The following SHROOM4 variants were observed in gnomAD, a reference collection of about 807,000 sequenced individuals.
SHROOM4 encodes the protein shroom family member 4.
Under a neutral mutation model 80.3 loss-of-function variants are expected in SHROOM4, and 17 were observed. The ratio of observed to expected loss-of-function variants is 0.21; its 90% confidence interval spans 0.14 to 0.32. SHROOM4 has a LOEUF of 0.32. Ranked by LOEUF, SHROOM4 falls within the 10% of genes least tolerant of loss-of-function variation. SHROOM4 has a pLI of 1.00. For synonymous variants in SHROOM4, 400 were observed against 437.5 expected (o/e 0.91, Z 1.07); for missense variants, 993 against 1,140.3 (o/e 0.87, Z 1.86).
intron 4 of SHROOM4, among the ~76,000 whole-genome samples, chrX:50,632,070 TG>T (rs1931095083): frequency 1.8e-5 from 2 of 111,788 alleles, no homozygotes; most frequent in Non-Finnish European, 3.8e-5. Flanking sequence ...CAGGTACATA[TG>T]TTTAACTCAA....
chrX:50,809,263 T>C (rs1468570779), intron 1 of SHROOM4, among the ~76,000 whole-genome samples: 3 of 111,941 alleles, frequency 2.7e-5, no homozygotes, highest in African/African-American at 9.8e-5. Flanking sequence ...GTTCACATAA[T>C]ACCACCTCTG....
chrX:50,595,926 C>G lies in SHROOM4; in HGVS notation c.*769G>C, dbSNP rs1557246440. ...AGTTTTAGTAGAGCTATTAATGGCCCATATGGTGAAGCCCTGGGGTAGGCA... is the reference window on the plus strand; with the variant it reads ...AGTTTTAGTAGAGCTATTAATGGCCGATATGGTGAAGCCCTGGGGTAGGCA... On this transcript the variant is annotated 3_prime_UTR_variant, in exon 9 of 9. Transcript: ENST00000376020. 3.0e-6 allele frequency: 1 copy of G among 329,412 alleles called. No individual in the cohort carries two copies. Among genetic ancestry groups the G allele is most frequent in the South Asian group, 2.6e-5 (1 of 38,490 alleles). 27.1% of individuals were successfully genotyped at this position (329,412 alleles called of 1,213,427 possible).
At chrX:50,779,000 C>G (rs782194126) in intron 1 of SHROOM4, among the ~76,000 whole-genome samples, 9 of 112,058 alleles carry the variant, frequency 8.0e-5, no homozygotes, top group Non-Finnish European at 1.3e-4. Context: ...ACTCTTAGAA[C>G]AGCATCTGGC....
intron 1 of SHROOM4, among the ~76,000 whole-genome samples, chrX:50,772,264 T>C (rs1216664969): frequency 1.8e-5 from 2 of 111,806 alleles, no homozygotes; most frequent in African/African-American, 3.3e-5. Context: ...ACAACAATAA[T>C]AGTAGCTAAC....
At chrX:50,665,666 C>T (rs1298648633) in intron 2 of SHROOM4, among the ~76,000 whole-genome samples, 2 of 109,966 alleles carry the variant, frequency 1.8e-5, no homozygotes, top group African/African-American at 3.3e-5. Flanking sequence ...TTCATTTCTT[C>T]GTACCTCAGT....
At chrX:50,625,847 ACCTAGGCTGGTCAAGGCCTG>A (rs1930776929) in intron 5 of SHROOM4, among the ~76,000 whole-genome samples, 1 of 111,736 alleles carries the variant, frequency 8.9e-6, no homozygotes, top group African/African-American at 3.3e-5. Flanking sequence ...AGGCTGGTCT[ACCTAGGCTGGTCAAGGCCTG>A]CCTAGGCTGG....
Position 50,590,397 on chromosome X carries a change from C to A in SHROOM4, c.*6298G>T, listed in dbSNP as rs1051646245. On this transcript the variant is annotated 3_prime_UTR_variant, in exon 9 of 9. Transcript: ENST00000376020. ...GACTAGCTGGGACTACAGGCACCTG[C>A]CACCATGCCCTGCTAATTTTTTTGT... 9.0e-6 allele frequency among the ~76,000 whole-genome samples: 1 copy of A among 111,230 alleles called. No individual in the cohort carries two copies. Among genetic ancestry groups the A allele is most frequent in the African/African-American group, 3.3e-5 (1 of 30,516 alleles).
intron 1 of SHROOM4, among the ~76,000 whole-genome samples, chrX:50,772,859 T>C (rs1935427046): frequency 1.8e-5 from 2 of 112,076 alleles, no homozygotes. Context: ...GCAGACTCCC[T>C]GCCTTCAGAT....
intron 2 of SHROOM4, among the ~76,000 whole-genome samples, chrX:50,680,262 A>C (rs1231912355): frequency 8.9e-6 from 1 of 112,026 alleles, no homozygotes; most frequent in Non-Finnish European, 1.9e-5. Context: ...AAAAAAATTA[A>C]AGGTAACTTT....
At chrX:50,751,361 C>G (rs139613100) in intron 1 of SHROOM4, among the ~76,000 whole-genome samples, 6,521 of 111,918 alleles carry the variant, frequency 0.058, 442 homozygotes, top group African/African-American at 0.2. Context: ...GGGGGAACAA[C>G]AGAGAACTAG....
At chrX:50,798,266 A>G (rs1025597554) in intron 1 of SHROOM4, among the ~76,000 whole-genome samples, 7 of 111,695 alleles carry the variant, frequency 6.3e-5, no homozygotes, top group Non-Finnish European at 1.1e-4. Context: ...TTACTGGTCC[A>G]ATGAATTCTG....
rs138382809 is a variant in SHROOM4 at position 50,736,102 on chromosome X, A to G, written c.118-40165T>C. Among the ~76,000 whole-genome samples, 538 of 110,721 alleles carry G rather than the reference A, an allele frequency of 4.9e-3. 4 individuals are homozygous for G. Among genetic ancestry groups the G allele is most frequent in the African/African-American group, 0.017 (514 of 30,473 alleles). The stretch of plus-strand genomic sequence containing the variant: ...CACAATGAGATACCACTTCATGGCT[A>G]GAATCAAAGAATCAGGTAACAACAA... On this transcript the variant is annotated intron_variant, in intron 1 of 8. Transcript: ENST00000376020.
chrX:50,667,864 G>A (rs782533957), intron 2 of SHROOM4, among the ~76,000 whole-genome samples: 74 of 111,254 alleles, frequency 6.7e-4, no homozygotes, highest in African/African-American at 2.4e-3. Flanking sequence ...TTGTGGGCAC[G>A]GACCAAATAT....
chrX:50,715,624 T>C (rs984922609), intron 1 of SHROOM4, among the ~76,000 whole-genome samples: 4 of 110,813 alleles, frequency 3.6e-5, no homozygotes, highest in Admixed American at 9.6e-5. Flanking sequence ...GAAATACAAA[T>C]CAAAATCACA....
At chrX:50,711,578 C>T (rs1441865827) in intron 1 of SHROOM4, among the ~76,000 whole-genome samples, 9 of 111,871 alleles carry the variant, frequency 8.0e-5, no homozygotes, top group African/African-American at 2.6e-4. Flanking sequence ...AAATAATACA[C>T]GTGCTGAAAT....
intron 2 of SHROOM4, among the ~76,000 whole-genome samples, chrX:50,640,354 T>C (rs1199832379): frequency 1.8e-5 from 2 of 110,028 alleles, no homozygotes; most frequent in African/African-American, 6.6e-5. Context: ...TACTGAGTCT[T>C]TTTTTTATGA....
intron 1 of SHROOM4, among the ~76,000 whole-genome samples, chrX:50,777,346 T>C (rs1431752880): frequency 2.7e-5 from 3 of 112,233 alleles, no homozygotes; most frequent in Non-Finnish European, 5.6e-5. Context: ...TGTAAATAGA[T>C]AAGAAGACTT....
rs782165955 is a variant in SHROOM4 at position 50,607,761 on chromosome X, C to G, written c.3381G>C (p.Gln1127His). ...CCTCCTCCTCCTCCTGTTGCTTCTGCTGCTGCTGTTGCTGCTTCTGCTGCT... is the reference window on the plus strand; with the variant it reads ...CCTCCTCCTCCTCCTGTTGCTTCTGGTGCTGCTGTTGCTGCTTCTGCTGCT... ...AAQQQKQQQQ[Q>H]QKQQEEEEEE... is the part of the protein sequence containing the mutation. Residue 1127 changes from glutamine to histidine, a missense_variant, in exon 6 of 9, where the codon CAG becomes CAC. Transcript: ENST00000376020. 1.2e-5 allele frequency: 14 copies of G among 1,204,480 alleles called. No individual in the cohort carries two copies. Among genetic ancestry groups the G allele is most frequent in the Non-Finnish European group, 1.6e-5 (14 of 891,654 alleles).
rs1929710421 is a variant in SHROOM4 at position 50,607,362 on chromosome X, A to G, written c.3761+19T>C. The G allele has an allele frequency of 8.3e-7, 1 of 1,209,290 alleles. No individual in the cohort carries two copies. The highest frequency in any genetic ancestry group is 1.1e-6 in the Non-Finnish European group (1 of 894,262). On this transcript the variant is annotated intron_variant, in intron 6 of 8. Transcript: ENST00000376020. ...CTGCCTGCCTCTTCAGAGACCTAGT[A>G]TCTTTCATATGTACTTACTTGGCGG...
Sources: gnomAD v4.1 joint callset for allele counts (sites outside exome capture counted in the v4.1 genomes callset) on GRCh38, gnomAD v4.1.1 for gene constraint, MANE v1.5 for transcripts, NCBI Gene and HGNC (gene_info 2026-07-23, HGNC 2026-07-21) for gene names.